Variants in DLG2 observed in about 807,000 individuals in gnomAD.
DLG2 encodes the protein discs large MAGUK scaffold protein 2.
A neutral mutation model predicts 132.5 loss-of-function variants in DLG2; 45 were observed. The observed-to-expected ratio is 0.34, with a 90% CI of 0.27 to 0.44. The LOEUF is 0.44. Among genes scored for constraint, DLG2 ranks in the 20% least tolerant of loss-of-function variants. The pLI, the probability that DLG2 is intolerant of heterozygous loss-of-function variation, is 1.00. For synonymous variants in DLG2, 424 were observed against 419.6 expected, an observed-to-expected ratio of 1.01 and a Z score of -0.13; for missense variants, 1,045 against 1,196.9, an observed-to-expected ratio of 0.87 and a Z score of 1.87.
At chr11:84,595,589 T>G (rs1328081506) in intron 6 of DLG2, among the ~76,000 whole-genome samples, 1 of 152,178 alleles carries the variant, frequency 6.6e-6, no homozygotes, top group African/African-American at 2.4e-5. Flanking sequence ...AGGAACTTCC[T>G]GGCTCTGCAC....
At chr11:84,667,498 G>GTTTTTTTTTTTTTTTTT (rs57863742) in intron 6 of DLG2, among the ~76,000 whole-genome samples, 4 of 122,268 alleles carry the variant, frequency 3.3e-5, no homozygotes, top group Non-Finnish European at 6.5e-5. Flanking sequence ...TTTGTTTTTT[G>GTTTTTTTTTTTTTTTTT]TTTTTTTTTT....
intron 6 of DLG2, among the ~76,000 whole-genome samples, chr11:84,950,307 C>T (rs141455575): frequency 6.6e-6 from 1 of 152,216 alleles, no homozygotes; most frequent in Admixed American, 6.5e-5. Context: ...CTATGGCTGT[C>T]TGTGGGTGTT....
intron 3 of DLG2, among the ~76,000 whole-genome samples, chr11:85,501,942 C>T (rs1305625738): frequency 6.6e-6 from 1 of 152,148 alleles, no homozygotes; most frequent in Non-Finnish European, 1.5e-5. Flanking sequence ...GATTATAAAT[C>T]ATTCTACGAT....
intron 22 of DLG2, among the ~76,000 whole-genome samples, chr11:83,482,729 T>C (rs1357967346): frequency 1.3e-5 from 2 of 152,134 alleles, no homozygotes; most frequent in African/African-American, 2.4e-5. Context: ...CTCCAGTAGC[T>C]TAAAATTTGC....
At chr11:84,931,511 T>C (rs1458772024) in intron 6 of DLG2, among the ~76,000 whole-genome samples, 1 of 152,208 alleles carries the variant, frequency 6.6e-6, no homozygotes, top group Non-Finnish European at 1.5e-5. Context: ...TTCATTTTTA[T>C]GGACGCATAG....
intron 5 of DLG2, among the ~76,000 whole-genome samples, chr11:85,121,143 T>C (rs2074264915): frequency 6.6e-6 from 1 of 151,964 alleles, no homozygotes; most frequent in Non-Finnish European, 1.5e-5. Flanking sequence ...TAAACCAGTA[T>C]AAAAAAGTAG....
intron 3 of DLG2, among the ~76,000 whole-genome samples, chr11:85,407,946 C>T (rs534799474): frequency 2.0e-5 from 3 of 151,352 alleles, no homozygotes; most frequent in East Asian, 1.9e-4. Context: ...TTTTGGAGTA[C>T]ACTGAAACAG....
At chr11:84,475,706 A>C (rs2099119807) in intron 7 of DLG2, among the ~76,000 whole-genome samples, 1 of 152,102 alleles carries the variant, frequency 6.6e-6, no homozygotes, top group African/African-American at 2.4e-5. Flanking sequence ...ACTCTGGTAA[A>C]TTGTATACAA....
rs75922767 is a variant in DLG2 at position 84,564,924 on chromosome 11, C to T, written c.358-30193G>A. 4.7e-3 allele frequency among the ~76,000 whole-genome samples: 712 copies of T among 152,234 alleles called. 9 individuals are homozygous for T. The highest frequency in any genetic ancestry group is 0.016 in the African/African-American group (666 of 41,550). The stretch of plus-strand genomic sequence containing the variant: ...AGGTGAAATGGTCTCAACAGATAAT[C>T]TAGTCTATATGACTGTGTGATACAT... On this transcript the variant is annotated intron_variant, in intron 6 of 27. Coordinates refer to ENST00000376104, the MANE Select transcript of DLG2 (RefSeq NM_001142699.3).
At chr11:84,732,308 T>C (rs1266108962) in intron 6 of DLG2, among the ~76,000 whole-genome samples, 1 of 152,098 alleles carries the variant, frequency 6.6e-6, no homozygotes, top group Non-Finnish European at 1.5e-5. Context: ...GATAACCTGA[T>C]GAATATGTGT....
chr11:83,583,435 C>A (rs1462224056), intron 19 of DLG2, among the ~76,000 whole-genome samples: 1 of 152,196 alleles, frequency 6.6e-6, no homozygotes, highest in Non-Finnish European at 1.5e-5. Context: ...GCTAAGAACA[C>A]CAACTATGAA....
Position 85,081,098 on chromosome 11 carries a change from T to C in DLG2, c.357+30563A>G, listed in dbSNP as rs560231186. ...AAACAGGAATTATTTTGATAAAACA[T>C]TAAAGCTTTGTTTCTTTGTCTAATT... On this transcript the variant is annotated intron_variant, in intron 6 of 27. Transcript: ENST00000376104. Among the ~76,000 whole-genome samples, 3 of 152,272 alleles carry C rather than the reference T, an allele frequency of 2.0e-5. No individual in the cohort carries two copies. In the South Asian group the frequency reaches 6.2e-4, roughly 32 times the overall value.
intron 7 of DLG2, among the ~76,000 whole-genome samples, chr11:84,436,956 A>C (rs1192398093): frequency 6.6e-6 from 1 of 152,212 alleles, no homozygotes; most frequent in Non-Finnish European, 1.5e-5. Flanking sequence ...ACACTGTAAC[A>C]CATGTACTAG....
At chr11:85,146,821 G>C (rs2076892160) in intron 5 of DLG2, among the ~76,000 whole-genome samples, 1 of 152,188 alleles carries the variant, frequency 6.6e-6, no homozygotes, top group South Asian at 2.1e-4. Flanking sequence ...CTTGTTACCT[G>C]ACTGACATTC....
rs551037924 is a variant in DLG2 at position 85,396,246 on chromosome 11, C to A, written c.41-110881G>T. ...ATAGCATCAACAACAACAAAGAAGA[C>A]ATCCACACCGAAACCCCATCTTTAG... On this transcript the variant is annotated intron_variant, in intron 3 of 27. Transcript: ENST00000376104. Among the ~76,000 whole-genome samples, 12 of 152,236 alleles carry A rather than the reference C, an allele frequency of 7.9e-5. No individual in the cohort carries two copies. In the South Asian group the frequency reaches 2.3e-3, roughly 29 times the overall value.
chr11:84,861,934 G>A (rs1057205409), intron 6 of DLG2, among the ~76,000 whole-genome samples: 2 of 149,310 alleles, frequency 1.3e-5, no homozygotes, highest in Non-Finnish European at 3.0e-5. Context: ...ACTATCGCAA[G>A]AACAAAAAAC....
chr11:85,613,703 C>G (rs2081159048), intron 2 of DLG2, among the ~76,000 whole-genome samples: 1 of 152,168 alleles, frequency 6.6e-6, no homozygotes, highest in Non-Finnish European at 1.5e-5. Context: ...TAAAATGGAC[C>G]AATCAGTAGG....
chr11:84,474,241 T>G (rs2099115918), intron 7 of DLG2, among the ~76,000 whole-genome samples: 1 of 152,094 alleles, frequency 6.6e-6, no homozygotes, highest in African/African-American at 2.4e-5. Flanking sequence ...AACATGTATG[T>G]GTTCCTTCAT....
chr11:83,875,991 A>G (rs1322659709), intron 15 of DLG2, among the ~76,000 whole-genome samples: 2 of 152,190 alleles, frequency 1.3e-5, no homozygotes, highest in Non-Finnish European at 1.5e-5. Flanking sequence ...GGTATCCCTC[A>G]CAGTGCCAAG....
Sources: gnomAD v4.1 joint callset for allele counts (sites outside exome capture counted in the v4.1 genomes callset) on GRCh38, gnomAD v4.1.1 for gene constraint, MANE v1.5 for transcripts, NCBI Gene and HGNC (gene_info 2026-07-23, HGNC 2026-07-21) for gene names.